Variants in SGCZ observed in about 807,000 individuals in gnomAD.
The protein encoded by SGCZ is zeta-sarcoglycan.
SGCZ carries 40 observed loss-of-function variants against 41.3 expected under a neutral mutation model. The ratio of observed to expected loss-of-function variants is 0.97; its 90% CI spans 0.75 to 1.26. The LOEUF (loss-of-function observed/expected upper bound fraction) is 1.26. SGCZ is among the 50% of genes most tolerant of loss of function. The probability of loss-of-function intolerance (pLI) is 0.00; values close to 1 mark genes in which losing one functional copy is unlikely to be tolerated. For synonymous variants in SGCZ, 206 were observed against 137.5 expected (o/e 1.50, Z -3.49); for missense variants, 552 against 369.8 (o/e 1.49, Z -4.04).
intron 2 of SGCZ, among the ~76,000 whole-genome samples, chr8:14,528,826 C>T (rs1803031992): frequency 1.6e-4 from 1 of 6,168 alleles, no homozygotes; most frequent in Non-Finnish European, 3.8e-4. Context: ...CACGGACCAG[C>T]CAAAAAAAAA....
intron 1 of SGCZ, among the ~76,000 whole-genome samples, chr8:15,005,450 G>C (rs1802580022): frequency 6.7e-6 from 1 of 149,730 alleles, no homozygotes; most frequent in East Asian, 2.0e-4. Context: ...TCCTGCCTCA[G>C]CCTCCCGAGT....
chr8:14,114,612 G>T (rs1434094160), intron 5 of SGCZ, among the ~76,000 whole-genome samples: 1 of 151,834 alleles, frequency 6.6e-6, no homozygotes, highest in Non-Finnish European at 1.5e-5. Context: ...CACTTAAACA[G>T]TGTCAGAAGA....
intron 1 of SGCZ, among the ~76,000 whole-genome samples, chr8:14,777,161 C>A (rs116193272): frequency 1.3e-5 from 2 of 152,088 alleles, no homozygotes; most frequent in Admixed American, 1.3e-4. Context: ...GAAACATGGA[C>A]GTTTATCTAA....
intron 4 of SGCZ, among the ~76,000 whole-genome samples, chr8:14,200,957 C>G (rs1805436444): frequency 1.3e-5 from 2 of 151,948 alleles, no homozygotes; most frequent in South Asian, 4.1e-4. Flanking sequence ...TAAAACAACC[C>G]ACAAATAAAA....
chr8:14,877,104 G>C (rs967338136), intron 1 of SGCZ, among the ~76,000 whole-genome samples: 1 of 152,280 alleles, frequency 6.6e-6, no homozygotes, highest in Middle Eastern at 3.4e-3. Context: ...CTCCTGAGTA[G>C]CTGGGACTAC....
At chr8:14,183,253 A>G (rs1217128042) in intron 4 of SGCZ, among the ~76,000 whole-genome samples, 4 of 149,976 alleles carry the variant, frequency 2.7e-5, no homozygotes, top group African/African-American at 7.5e-5. Flanking sequence ...CTGTAGTATT[A>G]TAGAAACTAC....
intron 3 of SGCZ, among the ~76,000 whole-genome samples, chr8:14,254,548 T>A (rs1035566882): frequency 2.3e-4 from 35 of 152,210 alleles, no homozygotes; most frequent in African/African-American, 8.4e-4. Context: ...AAAAATTGAA[T>A]CCAGCTTTTA....
intron 2 of SGCZ, among the ~76,000 whole-genome samples, chr8:14,346,818 T>G (rs1375671961): frequency 6.6e-6 from 1 of 152,072 alleles, no homozygotes. Flanking sequence ...TAAATATTTG[T>G]GTGCGCGCAT....
chr8:14,998,777 G>A (rs1585454561), intron 1 of SGCZ, among the ~76,000 whole-genome samples: 2 of 152,156 alleles, frequency 1.3e-5, no homozygotes, highest in Admixed American at 6.6e-5. Context: ...GTGGTTTTCT[G>A]CTGAAACTCA....
At chr8:15,096,690 T>G (rs984485098) in intron 1 of SGCZ, among the ~76,000 whole-genome samples, 1 of 152,084 alleles carries the variant, frequency 6.6e-6, no homozygotes, top group African/African-American at 2.4e-5. Flanking sequence ...TTTATTTTAT[T>G]TTATTTTATT....
chr8:14,951,268 A>G (rs1800629382), intron 1 of SGCZ, among the ~76,000 whole-genome samples: 1 of 152,040 alleles, frequency 6.6e-6, no homozygotes. Context: ...GAAACTGGTT[A>G]GGAAATAAGC....
At chr8:14,540,473 T>G (rs936233910) in intron 2 of SGCZ, among the ~76,000 whole-genome samples, 1 of 151,816 alleles carries the variant, frequency 6.6e-6, no homozygotes, top group Non-Finnish European at 1.5e-5. Context: ...ACATTATATC[T>G]CTATATCTTT....
intron 1 of SGCZ, among the ~76,000 whole-genome samples, chr8:14,766,928 A>G (rs1399938886): frequency 6.6e-6 from 1 of 152,032 alleles, no homozygotes; most frequent in Non-Finnish European, 1.5e-5. Context: ...CTTAATATCA[A>G]AGCAAGATGT....
intron 1 of SGCZ, among the ~76,000 whole-genome samples, chr8:14,826,748 G>T (rs1046329638): frequency 6.6e-6 from 1 of 152,134 alleles, no homozygotes; most frequent in Non-Finnish European, 1.5e-5. Flanking sequence ...AGAAGTGTCT[G>T]TTTATATCCT....
chr8:14,864,570 T>A (rs1031619766), intron 1 of SGCZ, among the ~76,000 whole-genome samples: 5 of 152,188 alleles, frequency 3.3e-5, no homozygotes, highest in African/African-American at 1.2e-4. Flanking sequence ...ACAAATCAAT[T>A]AATAATAAGA....
At chr8:14,636,542 T>C (rs1205574509) in intron 1 of SGCZ, among the ~76,000 whole-genome samples, 1 of 151,914 alleles carries the variant, frequency 6.6e-6, no homozygotes, top group African/African-American at 2.4e-5. Flanking sequence ...TCAGAATTTT[T>C]GCTTAGATGA....
chr8:14,325,409 C>G (rs1802057588), intron 2 of SGCZ, among the ~76,000 whole-genome samples: 1 of 150,546 alleles, frequency 6.6e-6, no homozygotes, highest in Non-Finnish European at 1.5e-5. Context: ...GGCTCAATCC[C>G]AAAGCAAATT....
chr8:14,825,348 T>C (rs182437582), intron 1 of SGCZ, among the ~76,000 whole-genome samples: 1 of 152,154 alleles, frequency 6.6e-6, no homozygotes, highest in Non-Finnish European at 1.5e-5. Context: ...AATAGAATCT[T>C]TACAATTTTT....
At chr8:14,350,665 T>C (rs763708227) in intron 2 of SGCZ, among the ~76,000 whole-genome samples, 13 of 152,068 alleles carry the variant, frequency 8.5e-5, no homozygotes, top group Non-Finnish European at 1.9e-4. Context: ...GTGGAAGAGC[T>C]GAGGTCTTTG....
Sources: gnomAD v4.1 joint callset for allele counts (sites outside exome capture counted in the v4.1 genomes callset) on GRCh38, gnomAD v4.1.1 for gene constraint, MANE v1.5 for transcripts, NCBI Gene and HGNC (gene_info 2026-07-23, HGNC 2026-07-21) for gene names.